The following ITGA4 variants were observed in gnomAD, a reference collection of about 807,000 sequenced individuals.
ITGA4 encodes the protein integrin alpha-4.
Under a neutral mutation model 133.6 loss-of-function variants are expected in ITGA4, and 63 were observed. The ratio of observed to expected loss-of-function variants is 0.47; its 90% CI spans 0.38 to 0.58. The LOEUF (loss-of-function observed/expected upper bound fraction) is 0.58. Ranked by LOEUF, ITGA4 falls within the 20% of genes least tolerant of loss-of-function variation. The pLI is 0.00. For synonymous variants in ITGA4, 483 were observed against 438.0 expected (o/e 1.10, Z -1.28); for missense variants, 1,076 against 1,252.7 (o/e 0.86, Z 2.13).
intron 2 of ITGA4, among the ~76,000 whole-genome samples, chr2:181,469,508 G>A (rs1186066231): frequency 3.9e-5 from 6 of 152,140 alleles, no homozygotes; most frequent in African/African-American, 1.2e-4. Context: ...ACAGTGTGGC[G>A]ATTCCTCAAG....
intron 14 of ITGA4, among the ~76,000 whole-genome samples, chr2:181,498,055 A>G (rs1686190402): frequency 6.6e-6 from 1 of 152,108 alleles, no homozygotes; most frequent in Non-Finnish European, 1.5e-5. Context: ...AAGGACAGAT[A>G]ATCAGGGCAT....
At chr2:181,482,223 C>G in intron 7 of ITGA4, 137 bp from the exon 8 acceptor site, 1 of 874,684 alleles carries the variant, frequency 1.1e-6, no homozygotes, top group South Asian at 1.9e-5. Context: ...TTTTGTGTCA[C>G]TCTCAACAGG....
In ITGA4 at chr2:181,538,145, A is replaced by G. The variant is rs549186353; in HGVS notation, c.*2618A>G. ...GCATGGCCACATTTCTTTATATTAAAATTCTAGTTTGTACATTTCTTTTAG... is the reference window on the plus strand; with the variant it reads ...GCATGGCCACATTTCTTTATATTAAGATTCTAGTTTGTACATTTCTTTTAG... On this transcript the variant is annotated 3_prime_UTR_variant, in exon 28 of 28. Transcript: ENST00000397033. 1 of 1,350,906 alleles carries G rather than the reference A, an allele frequency of 7.4e-7. No homozygotes were observed. The highest frequency in any genetic ancestry group is 1.2e-5 in the South Asian group (1 of 85,274). The allele number at this position is 1,350,906 out of a possible 1,614,324, so 83.7% of individuals were successfully genotyped here.
chr2:181,531,297 G>A lies in ITGA4; in HGVS notation c.2665-360G>A, dbSNP rs562643581. Among the ~76,000 whole-genome samples the A allele has an allele frequency of 2.3e-3, 351 of 152,196 alleles. 2 individuals are homozygous for A. The highest frequency in any genetic ancestry group is 8.2e-3 in the African/African-American group (341 of 41,518). On this transcript the variant is annotated intron_variant, in intron 24 of 27. Coordinates refer to ENST00000397033, the MANE Select transcript of ITGA4 (RefSeq NM_000885.6). Reference sequence around the variant, plus strand: ...TTAGTGAATGTATGAAAAGAAACTGGAGAAGCATTCATCACCTTGAAATGA... The same window carrying A: ...TTAGTGAATGTATGAAAAGAAACTGAAGAAGCATTCATCACCTTGAAATGA...
chr2:181,538,280 T>G lies in ITGA4; in HGVS notation c.*2753T>G, dbSNP rs1222528757. On this transcript the variant is annotated 3_prime_UTR_variant, in exon 28 of 28. Transcript: ENST00000397033. The stretch of plus-strand genomic sequence containing the variant: ...AATACATTATTTCATCAACTTATTT[T>G]GTTGTTTTTCACATACACCTAATAA... 4 of 1,372,662 alleles carry G rather than the reference T, an allele frequency of 2.9e-6. No homozygotes were observed. The African/African-American group carries it at 5.7e-5, about 20-fold the overall frequency. 85.0% of individuals were successfully genotyped at this position (1,372,662 alleles called of 1,614,324 possible).
intron 25 of ITGA4, among the ~76,000 whole-genome samples, chr2:181,532,851 C>T (rs889746492): frequency 6.6e-6 from 1 of 152,020 alleles, no homozygotes; most frequent in African/African-American, 2.4e-5. Context: ...CAGTTTTTGC[C>T]CATTCAGTAT....
chr2:181,495,933 C>T lies in ITGA4; in HGVS notation c.1536C>T (p.Tyr512=). 2 of 1,613,608 alleles carry T rather than the reference C, an allele frequency of 1.2e-6. No homozygotes were observed. The highest frequency in any genetic ancestry group is 1.7e-6 in the Non-Finnish European group (2 of 1,179,706). The change falls in exon 14 of 28, where the codon TAC becomes TAT. Residue 512 remains tyrosine (Y), a synonymous_variant. Coordinates refer to ENST00000397033, the MANE Select transcript of ITGA4 (RefSeq NM_000885.6). This position sits in a 1 kb window ranked among gnomAD's most constrained non-coding sequence, Gnocchi z 4.3. ...ATAAGGGCAAGGAAGTTCCAGGTTA[C>T]ATTGGTGGGTATGCCCTACAATATT... ...FSYKGKEVPG[Y]IVLFYNMSLD...
chr2:181,483,779 T>C (rs554140376), intron 9 of ITGA4, among the ~76,000 whole-genome samples: 1 of 152,336 alleles, frequency 6.6e-6, no homozygotes, highest in South Asian at 2.1e-4. Context: ...GTGGTCTTTG[T>C]ACTTGCTACA....
intron 2 of ITGA4, among the ~76,000 whole-genome samples, chr2:181,460,538 AATAT>A (rs1397997566): frequency 8.9e-5 from 13 of 145,684 alleles, no homozygotes; most frequent in African/African-American, 2.8e-4. Flanking sequence ...AGTGTGTGTA[AATAT>A]ATATAAGCCA....
rs1574370279 is a variant in ITGA4, at chr2:181,458,481, G to A, written c.319+164G>A. 5.5e-6 allele frequency: 4 copies of A among 726,618 alleles called. No homozygotes were observed. In the East Asian group the frequency reaches 1.1e-4, roughly 20 times the overall value. 45.0% of individuals were successfully genotyped at this position (726,618 alleles called of 1,614,324 possible). On this transcript the variant is annotated intron_variant, in intron 2 of 27. Coordinates refer to ENST00000397033, the MANE Select transcript of ITGA4 (RefSeq NM_000885.6). ...CTCATCTTGCCTCCTTAATATAAAAGGGATTCCCTTTCTGTTAATATCGTT... is the reference window on the plus strand; with the variant it reads ...CTCATCTTGCCTCCTTAATATAAAAAGGATTCCCTTTCTGTTAATATCGTT...
intron 6 of ITGA4, among the ~76,000 whole-genome samples, chr2:181,481,164 A>G (rs113934204): frequency 6.6e-6 from 1 of 152,340 alleles, no homozygotes; most frequent in Non-Finnish European, 1.5e-5. Flanking sequence ...CTTTTATCAC[A>G]TAAAATACGA....
Position 181,469,914 on chromosome 2 carries a change from G to A in ITGA4, c.320-5046G>A, listed in dbSNP as rs1014219906. The stretch of plus-strand genomic sequence containing the variant: ...GGAACATCACACACCGGGGCCTGTC[G>A]TGGGGTGGGGGGATGGGGGAGGGAT... On this transcript the variant is annotated intron_variant, in intron 2 of 27. Coordinates refer to ENST00000397033, the MANE Select transcript of ITGA4 (RefSeq NM_000885.6). Among the ~76,000 whole-genome samples, 6 of 151,792 alleles carry A rather than the reference G, an allele frequency of 4.0e-5. No homozygotes were observed. In the South Asian group the frequency reaches 6.3e-4, roughly 16 times the overall value.
chr2:181,537,681 A>AAATATTGATGTATTATGATGG lies in ITGA4; in HGVS notation c.*2155_*2175dup. 2 of 433,110 alleles carry AAATATTGATGTATTATGATGG rather than the reference A, an allele frequency of 4.6e-6. No homozygotes were observed. The highest frequency in any genetic ancestry group is 9.1e-6 in the Non-Finnish European group (2 of 219,140). 26.8% of individuals were successfully genotyped at this position (433,110 alleles called of 1,614,324 possible). A position where few individuals can be genotyped will look rare whatever the true frequency, so the allele number is the denominator to read the frequency against. ...AAATTATTTCAGAATTATCTAGGTT[A>AAATATTGATGTATTATGATGG]AATATTGATGTATTATGATGGTTGC... is the stretch of plus-strand genomic sequence containing the variant. On this transcript the variant is annotated 3_prime_UTR_variant, in exon 28 of 28. Coordinates refer to ENST00000397033, the MANE Select transcript of ITGA4 (RefSeq NM_000885.6).
intron 17 of ITGA4, 69 bp downstream of exon 17, chr2:181,511,844 C>A: frequency 2.7e-6 from 2 of 746,200 alleles, no homozygotes; most frequent in South Asian, 3.3e-5. Context: ...CATTTGCATT[C>A]CCAAAAGAAA....
At chr2:181,490,557 C>G (rs1275310966) in intron 10 of ITGA4, among the ~76,000 whole-genome samples, 1 of 149,432 alleles carries the variant, frequency 6.7e-6, no homozygotes, top group Non-Finnish European at 1.5e-5. Context: ...CTCTTTGACA[C>G]AGAACAGGAA....
rs747027889 is a variant in ITGA4 at position 181,495,856 on chromosome 2, G to A, written c.1459G>A (p.Val487Ile). ...ESVNRTKFDCVENGWPSVCID... is the reference protein window; with the variant it reads ...ESVNRTKFDCIENGWPSVCID... ...AGTAAATAGAACGAAATTTGACTGT[G>A]TTGAAAATGGATGGCCTTCTGTGTG... Residue 487 changes from valine (V) to isoleucine (I), a missense_variant, in exon 14 of 28, where the codon GTT becomes ATT. Coordinates refer to ENST00000397033, the MANE Select transcript of ITGA4 (RefSeq NM_000885.6). This position sits in a 1 kb window ranked among gnomAD's most constrained non-coding sequence, Gnocchi z 4.3. 6.2e-7 allele frequency: 1 copy of A among 1,613,952 alleles called. No homozygotes were observed. Among genetic ancestry groups the A allele is most frequent in the Non-Finnish European group, 8.5e-7 (1 of 1,179,870 alleles).
rs1178010850 is a variant in ITGA4, at chr2:181,537,237, A to AAGGAAATTTACATTT, written c.*1711_*1725dup. 4.4e-6 allele frequency: 2 copies of AAGGAAATTTACATTT among 453,792 alleles called. No individual in the cohort carries two copies. Among genetic ancestry groups the AAGGAAATTTACATTT allele is most frequent in the Admixed American group, 4.7e-5 (2 of 42,528 alleles). 28.1% of individuals were successfully genotyped at this position (453,792 alleles called of 1,614,324 possible). A position where few individuals can be genotyped will look rare whatever the true frequency, so the allele number is the denominator to read the frequency against. The stretch of plus-strand genomic sequence containing the variant: ...AACTGTCTTCTCCAGGATGGTCTCT[A>AAGGAAATTTACATTT]AGGAAATTTACATTTGGTTCTTTCC... On this transcript the variant is annotated 3_prime_UTR_variant, in exon 28 of 28. Coordinates refer to ENST00000397033, the MANE Select transcript of ITGA4 (RefSeq NM_000885.6).
At chr2:181,480,444 G>A (rs2105732048) in intron 6 of ITGA4, among the ~76,000 whole-genome samples, 178 bp downstream of exon 6, 1 of 151,228 alleles carries the variant, frequency 6.6e-6, no homozygotes, top group South Asian at 2.1e-4. Context: ...AGTGAACTCA[G>A]TATTTTACAT....
chr2:181,462,250 C>A (rs1289969049), intron 2 of ITGA4, among the ~76,000 whole-genome samples: 4 of 152,164 alleles, frequency 2.6e-5, no homozygotes. Flanking sequence ...GGCCTTCAAG[C>A]TGCCTGCCTG....
Sources: gnomAD v4.1 joint callset for allele counts (sites outside exome capture counted in the v4.1 genomes callset) on GRCh38, gnomAD v4.1.1 for gene constraint, Gnocchi (gnomAD v3.1) non-coding constraint, MANE v1.5 for transcripts, NCBI Gene and HGNC (gene_info 2026-07-23, HGNC 2026-07-21) for gene names.